SNAP25: variants seen among roughly 807,000 people sequenced by gnomAD.
SNAP25 encodes the protein synaptosomal-associated protein 25.
In SNAP25, 3 loss-of-function variants were observed where a neutral mutation model predicts 28.7. The observed-to-expected ratio is 0.10, with a 90% CI of 0.05 to 0.27. The LOEUF is 0.27. SNAP25 is among the 10% of genes least tolerant of loss of function. The pLI is 1.00. For missense variants in SNAP25, 117 were observed against 278.7 expected, an observed-to-expected ratio of 0.42 and a Z score of 4.13; for synonymous variants, 61 against 88.1, an observed-to-expected ratio of 0.69 and a Z score of 1.72.
At chr20:10,248,409 A>T (rs2122786518) in intron 1 of SNAP25, among the ~76,000 whole-genome samples, 1 of 152,334 alleles carries the variant, frequency 6.6e-6, no homozygotes, top group Admixed American at 6.5e-5. Flanking sequence ...GGAATATAAC[A>T]AGGAAAATAT....
intron 1 of SNAP25, among the ~76,000 whole-genome samples, chr20:10,270,650 G>A (rs571329410): frequency 6.6e-6 from 1 of 151,984 alleles, no homozygotes; most frequent in Admixed American, 6.5e-5. Flanking sequence ...AGTGAGCTGA[G>A]ATGGCACCAC....
intron 1 of SNAP25, among the ~76,000 whole-genome samples, chr20:10,257,854 A>T (rs1233186526): frequency 6.7e-6 from 1 of 149,278 alleles, no homozygotes; most frequent in Non-Finnish European, 1.5e-5. Context: ...CTGCACTCCA[A>T]CCTGGGCAAC....
chr20:10,253,648 T>C (rs1286778510), intron 1 of SNAP25, among the ~76,000 whole-genome samples: 1 of 151,950 alleles, frequency 6.6e-6, no homozygotes, highest in African/African-American at 2.4e-5. Context: ...GCCTGAGGAG[T>C]GCTGGTGGAC....
chr20:10,299,468 C>T (rs960572260), intron 7 of SNAP25, 56 bp downstream of exon 7: 1 of 1,559,550 alleles, frequency 6.4e-7, no homozygotes. Flanking sequence ...AAATGACCAA[C>T]AGGAAGTGTG....
intron 1 of SNAP25, among the ~76,000 whole-genome samples, chr20:10,266,413 A>G (rs2063507472): frequency 2.0e-5 from 3 of 152,188 alleles, no homozygotes; most frequent in Admixed American, 6.5e-5. Flanking sequence ...TTAGTCTCCA[A>G]ACAAATCCAA....
intron 1 of SNAP25, among the ~76,000 whole-genome samples, chr20:10,243,328 A>T (rs2063067916): frequency 6.6e-6 from 1 of 152,220 alleles, no homozygotes; most frequent in Admixed American, 6.5e-5. Flanking sequence ...ATCATGATAC[A>T]TCAATTACAA....
intron 1 of SNAP25, among the ~76,000 whole-genome samples, chr20:10,270,428 A>G (rs6039798): frequency 0.27 from 41,151 of 150,778 alleles, 6,360 homozygotes; most frequent in African/African-American, 0.42. Context: ...GCTGGCCACG[A>G]TGGCTCACGC....
intron 5 of SNAP25, among the ~76,000 whole-genome samples, chr20:10,295,351 G>C (rs977271942): frequency 1.3e-5 from 2 of 152,170 alleles, no homozygotes; most frequent in Admixed American, 1.3e-4. Context: ...ACATCACAAA[G>C]TCCATATAAC....
At chr20:10,275,621 TATTCA>T (rs1184069754) in intron 2 of SNAP25, 58 bp downstream of exon 2, 6 of 1,426,766 alleles carry the variant, frequency 4.2e-6, no homozygotes, top group Non-Finnish European at 5.7e-6. Context: ...TGGTTTGTCT[TATTCA>T]GGTTCAGGTA....
At chr20:10,232,316 A>G (rs2062842203) in intron 1 of SNAP25, among the ~76,000 whole-genome samples, 1 of 152,238 alleles carries the variant, frequency 6.6e-6, no homozygotes, top group Non-Finnish European at 1.5e-5. Context: ...CAAGTGCTCA[A>G]TCAATTGTGG....
At chr20:10,244,906 T>C (rs1389392497) in intron 1 of SNAP25, among the ~76,000 whole-genome samples, 2 of 152,108 alleles carry the variant, frequency 1.3e-5, no homozygotes, top group African/African-American at 4.8e-5. Flanking sequence ...AATTTTTGTA[T>C]TTTTAGTAGA....
chr20:10,245,359 G>A (rs1255878751), intron 1 of SNAP25, among the ~76,000 whole-genome samples: 12 of 152,114 alleles, frequency 7.9e-5, no homozygotes, highest in Non-Finnish European at 1.8e-4. Flanking sequence ...CTGATCGCCG[G>A]TATAAAAGAA....
intron 4 of SNAP25, among the ~76,000 whole-genome samples, chr20:10,286,641 G>A (rs2063885694): frequency 6.6e-6 from 1 of 152,052 alleles, no homozygotes; most frequent in South Asian, 2.1e-4. Flanking sequence ...CACAGCTGGA[G>A]GCATCTGGCT....
chr20:10,291,218 C>A (rs529545579), intron 4 of SNAP25, among the ~76,000 whole-genome samples: 36 of 152,212 alleles, frequency 2.4e-4, no homozygotes, highest in African/African-American at 7.2e-4. Flanking sequence ...GGATTACAGG[C>A]GCATGCCACC....
At chr20:10,303,022 A>C (rs2064276492) in intron 7 of SNAP25, among the ~76,000 whole-genome samples, 1 of 152,078 alleles carries the variant, frequency 6.6e-6, no homozygotes, top group Admixed American at 6.5e-5. Context: ...GCATTCTTGT[A>C]CAGGAGATCC....
chr20:10,253,409 A>T (rs1204262178), intron 1 of SNAP25, among the ~76,000 whole-genome samples: 1 of 152,174 alleles, frequency 6.6e-6, no homozygotes, highest in Non-Finnish European at 1.5e-5. Flanking sequence ...CTTACTAGCT[A>T]TGTGACTCTA....
intron 1 of SNAP25, among the ~76,000 whole-genome samples, chr20:10,262,812 T>C (rs2063438079): frequency 6.6e-6 from 1 of 151,868 alleles, no homozygotes; most frequent in Non-Finnish European, 1.5e-5. Context: ...ATCTTTGGAG[T>C]GTACATTACA....
intron 1 of SNAP25, among the ~76,000 whole-genome samples, chr20:10,249,736 G>C (rs1568588107): frequency 1.3e-5 from 2 of 152,128 alleles, no homozygotes; most frequent in African/African-American, 4.8e-5. Context: ...TCTAGATTTG[G>C]AGCCCAGGAA....
At chr20:10,302,308 A>C (rs777239937) in intron 7 of SNAP25, among the ~76,000 whole-genome samples, 3 of 152,224 alleles carry the variant, frequency 2.0e-5, no homozygotes, top group Non-Finnish European at 4.4e-5. Flanking sequence ...AGTGAGGCTG[A>C]TTCTTTAGCA....
Sources: gnomAD v4.1 joint callset for allele counts (sites outside exome capture counted in the v4.1 genomes callset) on GRCh38, gnomAD v4.1.1 for gene constraint, MANE v1.5 for transcripts, NCBI Gene and HGNC (gene_info 2026-07-23, HGNC 2026-07-21) for gene names.